The following CRYBG1 variants were observed in gnomAD, a reference collection of about 807,000 sequenced individuals.
CRYBG1 encodes the protein crystallin beta-gamma domain containing 1.
In CRYBG1, 139 loss-of-function variants were observed where a neutral mutation model predicts 189.2. The ratio of observed to expected loss-of-function variants is 0.73; its 90% confidence interval spans 0.64 to 0.85. The LOEUF (loss-of-function observed/expected upper bound fraction) is 0.85. Among genes scored for constraint, CRYBG1 ranks in the 40% least tolerant of loss-of-function variants. CRYBG1 has a pLI of 0.00. For missense variants in CRYBG1, 2,611 were observed against 2,675.8 expected (o/e 0.98, Z 0.53); for synonymous variants, 1,023 against 1,017.1 (o/e 1.01, Z -0.11).
chr6:106,469,056 G>A (rs115043612), intron 2 of CRYBG1, among the ~76,000 whole-genome samples: 2,152 of 152,234 alleles, frequency 0.014, 48 homozygotes, highest in African/African-American at 0.05. Flanking sequence ...GCGTGGCCTG[G>A]CTCCTGCCCC....
chr6:106,518,317 T>C (rs28569364), intron 3 of CRYBG1, among the ~76,000 whole-genome samples: 2 of 152,226 alleles, frequency 1.3e-5, no homozygotes, highest in Non-Finnish European at 2.9e-5. Flanking sequence ...GGGGGAAGGA[T>C]GAGATGAATA....
intron 2 of CRYBG1, among the ~76,000 whole-genome samples, chr6:106,478,270 G>A (rs1772374444): frequency 6.6e-6 from 1 of 152,206 alleles, no homozygotes; most frequent in South Asian, 2.1e-4. Context: ...CCTTTTGTTT[G>A]AAGATTAGAT....
intron 2 of CRYBG1, among the ~76,000 whole-genome samples, chr6:106,491,603 C>A (rs1322655215): frequency 6.6e-6 from 1 of 152,022 alleles, no homozygotes; most frequent in African/African-American, 2.4e-5. Flanking sequence ...CCTTTGGATT[C>A]ATCTCTCTCT....
chr6:106,535,295 A>G (rs1161144846), intron 8 of CRYBG1, among the ~76,000 whole-genome samples: 1 of 152,124 alleles, frequency 6.6e-6, no homozygotes, highest in African/African-American at 2.4e-5. Flanking sequence ...TTCATTGTGG[A>G]ATATACCATA....
At chr6:106,505,474 T>G (rs941209542) in intron 2 of CRYBG1, among the ~76,000 whole-genome samples, 1 of 152,028 alleles carries the variant, frequency 6.6e-6, no homozygotes, top group Non-Finnish European at 1.5e-5. Flanking sequence ...AGTGATCCGC[T>G]GGCCTCAGCT....
At position 106,534,822 on chromosome 6, in the gene CRYBG1, T is replaced by A. The variant is rs944230673; in HGVS notation, c.4718+4507T>A. Among the ~76,000 whole-genome samples, 4 of 151,874 alleles carry A rather than the reference T, an allele frequency of 2.6e-5. No homozygotes were observed. The East Asian group carries it at 7.7e-4, about 29-fold the overall frequency. On this transcript the variant is annotated intron_variant, in intron 8 of 21. Transcript: ENST00000633556. ...TTGGGTTTTTTGGGGGCGGGGTGTGTGTAGGGGTGGAAGTGGGGGGTGGTA... is the reference window on the plus strand; with the variant it reads ...TTGGGTTTTTTGGGGGCGGGGTGTGAGTAGGGGTGGAAGTGGGGGGTGGTA...
chr6:106,382,203 T>C (rs1195077426), intron 1 of CRYBG1, among the ~76,000 whole-genome samples: 1 of 152,204 alleles, frequency 6.6e-6, no homozygotes, highest in South Asian at 2.1e-4. Context: ...GTAGTCAAAA[T>C]TGCAGGGCCT....
intron 2 of CRYBG1, among the ~76,000 whole-genome samples, chr6:106,480,705 C>T (rs991392395): frequency 3.3e-5 from 5 of 150,394 alleles, no homozygotes; most frequent in Non-Finnish European, 7.4e-5. Flanking sequence ...TGCATGGTAG[C>T]TCACGCCTAT....
intron 16 of CRYBG1, 48 bp from the exon 17 acceptor site, chr6:106,555,720 T>C (rs765117803): frequency 6.3e-7 from 1 of 1,596,130 alleles, no homozygotes; most frequent in African/African-American, 1.3e-5. Flanking sequence ...TGAATAGGAG[T>C]GCTCAAGTTG....
chr6:106,553,581 A>T lies in CRYBG1; in HGVS notation c.5585+14A>T, dbSNP rs1770731. On this transcript the variant is annotated intron_variant, in intron 16 of 21. Coordinates refer to ENST00000633556, the MANE Select transcript of CRYBG1 (RefSeq NM_001371242.2). ...TTCAGGAGGCAGGTAAGTGAAACAA[A>T]GGCCTGGCAGAGCTGAATCACTGGA... 0.88 allele frequency: 1,363,571 copies of T among 1,547,296 alleles called. 601,476 individuals are homozygous for T. The highest frequency in any genetic ancestry group is 0.89 in the Non-Finnish European group (997,390 of 1,119,408).
chr6:106,379,269 T>C (rs1326881002), intron 1 of CRYBG1, among the ~76,000 whole-genome samples: 2 of 149,772 alleles, frequency 1.3e-5, no homozygotes, highest in African/African-American at 4.9e-5. Context: ...TTTTCTTTTC[T>C]TTTTTTTTTC....
chr6:106,517,006 C>CTTTTTT (rs5878896), intron 3 of CRYBG1, among the ~76,000 whole-genome samples: 2 of 106,664 alleles, frequency 1.9e-5, no homozygotes, highest in Non-Finnish European at 3.7e-5. Context: ...ATGGTTTAGA[C>CTTTTTT]TTTTTTTTTT....
chr6:106,386,967 C>A (rs1770403329), intron 1 of CRYBG1, among the ~76,000 whole-genome samples: 1 of 152,162 alleles, frequency 6.6e-6, no homozygotes, highest in South Asian at 2.1e-4. Flanking sequence ...AAAATTGAGA[C>A]AATAGCTCGT....
intron 6 of CRYBG1, among the ~76,000 whole-genome samples, chr6:106,526,470 A>G (rs1425720655): frequency 6.6e-6 from 1 of 152,122 alleles, no homozygotes; most frequent in Admixed American, 6.5e-5. Flanking sequence ...AAGCATAAGC[A>G]TTTACACTGC....
chr6:106,446,271 T>C (rs538222249), intron 1 of CRYBG1, among the ~76,000 whole-genome samples: 84 of 152,222 alleles, frequency 5.5e-4, no homozygotes, highest in Non-Finnish European at 8.8e-4. Context: ...TGAATTAAGT[T>C]TTCTCCTTCC....
chr6:106,564,043 GC>G, intron 21 of CRYBG1, 117 bp downstream of exon 21: 1 of 1,096,784 alleles, frequency 9.1e-7, no homozygotes, highest in Non-Finnish European at 1.3e-6. Flanking sequence ...CAGTAAGAGA[GC>G]CCCTACTGTG....
intron 16 of CRYBG1, among the ~76,000 whole-genome samples, chr6:106,554,146 A>C (rs928331283): frequency 3.3e-5 from 5 of 152,218 alleles, no homozygotes; most frequent in Non-Finnish European, 5.9e-5. Flanking sequence ...GCCCAAGGTC[A>C]GGGAAACTCG....
Position 106,519,584 on chromosome 6 carries a change from T to C in CRYBG1, c.2376T>C (p.Asp792=), listed in dbSNP as rs762618242. The C allele has an allele frequency of 1.2e-6, 2 of 1,614,218 alleles. No individual in the cohort carries two copies. Among genetic ancestry groups the C allele is most frequent in the Non-Finnish European group, 1.7e-6 (2 of 1,180,020 alleles). The change falls in exon 4 of 22, where the codon GAT becomes GAC. Residue 792 remains aspartate, a synonymous_variant. Transcript: ENST00000633556. ...NQDDKADVQT[D]AGCLSEPVAS... ...ATGATAAAGCAGATGTACAAACAGATGCTGGCTGCCTTTCAGAACCAGTGG... is the reference window on the plus strand; with the variant it reads ...ATGATAAAGCAGATGTACAAACAGACGCTGGCTGCCTTTCAGAACCAGTGG...
At chr6:106,536,344 G>A (rs574748599) in intron 8 of CRYBG1, among the ~76,000 whole-genome samples, 1 of 152,302 alleles carries the variant, frequency 6.6e-6, no homozygotes, top group Middle Eastern at 3.4e-3. Context: ...TTGATTGCTT[G>A]GTTAAAGTGG....
Sources: allele counts gnomAD v4.1 joint callset (sites outside exome capture counted in the v4.1 genomes callset), GRCh38; gene constraint gnomAD v4.1.1; transcripts MANE v1.5; gene names NCBI Gene and HGNC (gene_info 2026-07-23, HGNC 2026-07-21).